DYRK1A: variants seen among roughly 807,000 people sequenced by gnomAD.
DYRK1A encodes dual specificity tyrosine phosphorylation regulated kinase 1A.
In DYRK1A, 9 loss-of-function variants were observed where a neutral mutation model predicts 79.7. That is an observed-to-expected ratio of 0.11 (90% confidence interval 0.07 to 0.20). DYRK1A has a LOEUF of 0.20. DYRK1A is among the 10% of genes least tolerant of loss of function. The pLI, the probability that DYRK1A is intolerant of heterozygous loss-of-function variation, is 1.00. For synonymous variants in DYRK1A, 349 were observed against 329.7 expected (o/e 1.06, Z -0.63); for missense variants, 622 against 956.0 (o/e 0.65, Z 4.61).
rs749897117 is a variant in DYRK1A, at chr21:37,472,665, C to G, written c.11-19C>G. On this transcript the variant is annotated intron_variant, in intron 2 of 11. Coordinates refer to ENST00000647188, the MANE Select transcript of DYRK1A (RefSeq NM_001347721.2). The stretch of plus-strand genomic sequence containing the variant: ...TAGGATATGAATATTTCCTTTAAAC[C>G]TCACTTATCTTCTTGTAGGAGGAGA... 1.3e-6 allele frequency: 2 copies of G among 1,549,622 alleles called. No homozygotes were observed. Among genetic ancestry groups the G allele is most frequent in the Non-Finnish European group, 1.8e-6 (2 of 1,139,588 alleles).
rs1569405216 is a variant in DYRK1A, at chr21:37,512,030, A to G, written c.1764A>G (p.Ala588=). ...TTFHVAPQQN[A]LHHHHGNSSH... ...TTCATGTAGCCCCTCAACAGAATGC[A>G]TTGCATCATCACCATGGTAACAGTT... is the stretch of plus-strand genomic sequence containing the variant. Residue 588 remains alanine, a synonymous_variant, in exon 12 of 12, where the codon GCA becomes GCG. Transcript: ENST00000647188. 1.2e-6 allele frequency: 2 copies of G among 1,614,090 alleles called. No individual in the cohort carries two copies. The highest frequency in any genetic ancestry group is 1.3e-5 in the African/African-American group (1 of 75,030).
At chr21:37,408,250 A>G (rs2050183929) in intron 1 of DYRK1A, among the ~76,000 whole-genome samples, 1 of 152,134 alleles carries the variant, frequency 6.6e-6, no homozygotes, top group Non-Finnish European at 1.5e-5. Context: ...TAGCTCACTT[A>G]TTTTGTGGTT....
chr21:37,366,694 C>T (rs931863016), upstream of DYRK1A, among the ~76,000 whole-genome samples: 1 of 151,342 alleles, frequency 6.6e-6, no homozygotes, highest in African/African-American at 2.4e-5. Context: ...CCCCGCCCGC[C>T]GGCTCGGGGC....
intron 1 of DYRK1A, chr21:37,419,627 T>G (rs2050425217): frequency 6.6e-6 from 1 of 152,216 alleles, no homozygotes; most frequent in South Asian, 2.1e-4. Flanking sequence ...GTACTTGTCT[T>G]TACCTCTTCT....
rs374752122 is a variant in DYRK1A, at chr21:37,479,600, G to T, written c.301-1038G>T. ...GAAACAGTGTTGGTGTTTTGTTTTT[G>T]TTTTTGTTTTTGTTTTTTGTTTTTT... is the stretch of plus-strand genomic sequence containing the variant. On this transcript the variant is annotated intron_variant, in intron 4 of 11. Coordinates refer to ENST00000647188, the MANE Select transcript of DYRK1A (RefSeq NM_001347721.2). 9.6e-3 allele frequency among the ~76,000 whole-genome samples: 217 copies of T among 22,652 alleles called. 2 individuals carry two copies. Among genetic ancestry groups the T allele is most frequent in the African/African-American group, 0.052 (175 of 3,392 alleles). The allele number at this position is 22,652 out of a possible 152,430, so 14.9% of individuals were successfully genotyped here. A position where few individuals can be genotyped will look rare whatever the true frequency, so the allele number is the denominator to read the frequency against.
At chr21:37,373,727 A>G (rs749490952) in intron 1 of DYRK1A, among the ~76,000 whole-genome samples, 11 of 152,166 alleles carry the variant, frequency 7.2e-5, no homozygotes, top group South Asian at 2.1e-4. Context: ...TTCATACCCT[A>G]TTGGTCATAA....
In DYRK1A at chr21:37,522,784, C is replaced by T. The variant is rs2053943439; in HGVS notation, c.*10253C>T. Reference sequence around the variant, plus strand: ...AGTGATGCAATGCTGCTTCCTCCTTCCTTCTCAAAAGCCTGCTCTTTGCCC... The same window carrying T: ...AGTGATGCAATGCTGCTTCCTCCTTTCTTCTCAAAAGCCTGCTCTTTGCCC... On this transcript the variant is annotated 3_prime_UTR_variant, in exon 12 of 12. Transcript: ENST00000647188. 1 of 152,312 alleles carries T rather than the reference C, an allele frequency of 6.6e-6. No homozygotes were observed. The highest frequency in any genetic ancestry group is 2.4e-5 in the African/African-American group (1 of 41,476). 9.4% of individuals were successfully genotyped at this position (152,312 alleles called of 1,614,324 possible). A position where few individuals can be genotyped will look rare whatever the true frequency, so the allele number is the denominator to read the frequency against.
intron 1 of DYRK1A, among the ~76,000 whole-genome samples, chr21:37,405,137 T>C (rs2050124818): frequency 6.6e-6 from 1 of 152,100 alleles, no homozygotes; most frequent in African/African-American, 2.4e-5. Context: ...GATTTTTTAG[T>C]GATGTCGGCC....
intron 1 of DYRK1A, among the ~76,000 whole-genome samples, chr21:37,387,411 A>T (rs1286058814): frequency 6.6e-6 from 1 of 152,154 alleles, no homozygotes; most frequent in African/African-American, 2.4e-5. Flanking sequence ...TGTTTTTCTA[A>T]GAGTTAGTAA....
chr21:37,500,748 CTT>C lies in DYRK1A; in HGVS notation c.1212+4491_1212+4492del, dbSNP rs2053417729. Among the ~76,000 whole-genome samples, 2 of 151,550 alleles carry C rather than the reference CTT, an allele frequency of 1.3e-5. 1 individual carries two copies. Among genetic ancestry groups the C allele is most frequent in the South Asian group, 4.1e-4 (2 of 4,824 alleles). ...AAATTGTTGAATTTGTTGGCGTAAA[CTT>C]ATCAATAATATTTTACTATAATTTT... On this transcript the variant is annotated intron_variant, in intron 9 of 11. Coordinates refer to ENST00000647188, the MANE Select transcript of DYRK1A (RefSeq NM_001347721.2).
At chr21:37,499,209 T>G (rs1331044120) in intron 9 of DYRK1A, among the ~76,000 whole-genome samples, 1 of 152,192 alleles carries the variant, frequency 6.6e-6, no homozygotes, top group Admixed American at 6.5e-5. Context: ...TATTCTGTGT[T>G]TTCTTCTAAA....
intron 5 of DYRK1A, among the ~76,000 whole-genome samples, chr21:37,483,815 T>C (rs1033081893): frequency 6.6e-6 from 1 of 152,016 alleles, no homozygotes; most frequent in Admixed American, 6.5e-5. Context: ...ACTCCTGGGC[T>C]CAACCAGTCC....
chr21:37,399,801 GCA>G (rs1432479212), intron 1 of DYRK1A, among the ~76,000 whole-genome samples: 2 of 152,166 alleles, frequency 1.3e-5, no homozygotes, highest in Non-Finnish European at 2.9e-5. Flanking sequence ...TGTAGATTAA[GCA>G]CAGTTTTTCA....
At chr21:37,489,128 A>C (rs1266245119) in intron 6 of DYRK1A, among the ~76,000 whole-genome samples, 1 of 152,176 alleles carries the variant, frequency 6.6e-6, no homozygotes, top group Non-Finnish European at 1.5e-5. Flanking sequence ...AGGAAAACAC[A>C]ATGTATCCAC....
intron 2 of DYRK1A, among the ~76,000 whole-genome samples, chr21:37,435,248 A>T (rs372295183): frequency 1.3e-5 from 2 of 152,208 alleles, no homozygotes; most frequent in Non-Finnish European, 2.9e-5. Context: ...TATTTGCATA[A>T]CCTAGTTTGA....
chr21:37,509,764 CT>C (rs1209722131), intron 11 of DYRK1A, among the ~76,000 whole-genome samples: 1 of 152,180 alleles, frequency 6.6e-6, no homozygotes, highest in Non-Finnish European at 1.5e-5. Context: ...CATTTCCAAC[CT>C]TTTTTACTAT....
At chr21:37,447,361 T>G (rs1418706845) in intron 2 of DYRK1A, among the ~76,000 whole-genome samples, 2 of 152,190 alleles carry the variant, frequency 1.3e-5, no homozygotes, top group African/African-American at 2.4e-5. Context: ...TATATACACA[T>G]TTTTATATGT....
intron 1 of DYRK1A, among the ~76,000 whole-genome samples, chr21:37,412,586 C>G (rs958858757): frequency 3.3e-5 from 5 of 152,050 alleles, no homozygotes; most frequent in South Asian, 2.1e-4. Context: ...TTCTAGGAAG[C>G]ATTTGTAATA....
chr21:37,497,552 T>G (rs1453144901), intron 9 of DYRK1A, among the ~76,000 whole-genome samples: 1 of 152,224 alleles, frequency 6.6e-6, no homozygotes, highest in East Asian at 1.9e-4. Context: ...CAGTTTGAAT[T>G]AGCATGGAGA....
Sources: gnomAD v4.1 joint callset for allele counts (sites outside exome capture counted in the v4.1 genomes callset) on GRCh38, gnomAD v4.1.1 for gene constraint, MANE v1.5 for transcripts, NCBI Gene and HGNC (gene_info 2026-07-23, HGNC 2026-07-21) for gene names.